CRYBG2: variants seen among roughly 807,000 people sequenced by gnomAD.
CRYBG2 encodes crystallin beta-gamma domain containing 2, also known as beta/gamma crystallin domain-containing protein 2.
CRYBG2 carries 106 observed loss-of-function variants against 153.4 expected under a neutral mutation model. The observed-to-expected ratio is 0.69, with a 90% CI of 0.59 to 0.81. CRYBG2 has a LOEUF of 0.81. Among genes scored for constraint, CRYBG2 ranks in the 30% least tolerant of loss-of-function variants. The pLI is 0.00. For missense variants in CRYBG2, 1,996 were observed against 2,112.0 expected, an observed-to-expected ratio of 0.95 and a Z score of 1.08; for synonymous variants, 851 against 877.8, an observed-to-expected ratio of 0.97 and a Z score of 0.54.
At position 26,344,643 on chromosome 1, in the gene CRYBG2, G is replaced by A. The variant is rs746968843; in HGVS notation, c.2015C>T (p.Ala672Val). 4.8e-5 allele frequency: 73 copies of A among 1,535,618 alleles called. No individual in the cohort carries two copies. In the African/African-American group the frequency reaches 6.6e-4, roughly 14 times the overall value. Residue 672 changes from alanine (A) to valine (V), a missense_variant, in exon 2 of 20, where the codon GCC (alanine) becomes GTC (valine). Physicochemically the swap from Ala to Val is moderately conservative, Grantham distance 64. Coordinates refer to ENST00000308182, the MANE Select transcript of CRYBG2 (RefSeq NM_001039775.4). ...CTTATCCTGTTTGGGGAGTGAGGTG[G>A]CAGGAGCAATTGGGCCTTGAACAGT... is the stretch of plus-strand genomic sequence containing the variant. ...EETVQGPIAPATSLPKQDKGV... is the reference protein window; with the variant it reads ...EETVQGPIAPVTSLPKQDKGV...
chr1:26,324,336 C>T, intron 17 of CRYBG2, 26 bp from the exon 18 acceptor site: 1 of 1,585,076 alleles, frequency 6.3e-7, no homozygotes, highest in South Asian at 1.1e-5. Context: ...GGCTGAGAGT[C>T]AGGGGTGCCG....
intron 1 of CRYBG2, among the ~76,000 whole-genome samples, chr1:26,348,476 A>G (rs1056312495): frequency 6.6e-6 from 1 of 152,204 alleles, no homozygotes; most frequent in Non-Finnish European, 1.5e-5. Flanking sequence ...TGGGAGGATC[A>G]CTTGAGCCCA....
chr1:26,328,290 C>G lies in CRYBG2; in HGVS notation c.4497G>C (p.Trp1499Cys). The G allele has an allele frequency of 6.4e-7, 1 of 1,570,880 alleles. No homozygotes were observed. The highest frequency in any genetic ancestry group is 1.4e-5 in the African/African-American group (1 of 73,852). Residue 1499 changes from tryptophan to cysteine, a missense_variant, in exon 17 of 20, where the codon TGG (tryptophan) becomes TGC (cysteine). Trp to Cys is a radical substitution (Grantham distance 215, BLOSUM62 -2). Transcript: ENST00000308182. ...CEHSDFRGRQ[W>C]LVGSCEITNW... ...TGGTGATCTCGCAGCTTCCCACCAGCCACTGGCGGCCCCGGAAGTCACTGT... is the reference window on the plus strand; with the variant it reads ...TGGTGATCTCGCAGCTTCCCACCAGGCACTGGCGGCCCCGGAAGTCACTGT...
At chr1:26,323,318 A>C (rs184364300) in intron 18 of CRYBG2, among the ~76,000 whole-genome samples, 15 of 152,192 alleles carry the variant, frequency 9.9e-5, no homozygotes, top group South Asian at 6.2e-4. Flanking sequence ...TGAGCTCAAG[A>C]GATCCTCCTG....
intron 1 of CRYBG2, among the ~76,000 whole-genome samples, chr1:26,352,305 A>T (rs952046051): frequency 6.6e-6 from 1 of 151,854 alleles, no homozygotes; most frequent in Non-Finnish European, 1.5e-5. Flanking sequence ...ACAAATATAC[A>T]CTCACCCAAG....
chr1:26,337,116 G>A (rs889411787), intron 10 of CRYBG2, 136 bp from the exon 11 acceptor site: 4 of 1,549,746 alleles, frequency 2.6e-6, no homozygotes, highest in African/African-American at 2.7e-5. Context: ...AGCAGCAGGG[G>A]AAGAGAGGCT....
At chr1:26,338,533 A>G in intron 6 of CRYBG2, 56 bp from the exon 7 acceptor site, 1 of 1,508,830 alleles carries the variant, frequency 6.6e-7, no homozygotes, top group Non-Finnish European at 8.9e-7. Context: ...AGGGACACAG[A>G]TTGGTGGGCG....
At chr1:26,335,556 G>T (rs1267262285) in intron 14 of CRYBG2, among the ~76,000 whole-genome samples, 1 of 152,202 alleles carries the variant, frequency 6.6e-6, no homozygotes, top group Non-Finnish European at 1.5e-5. Context: ...CCAGCACTTT[G>T]GAAGGCCGAG....
At chr1:26,330,015 G>A (rs564390206) in intron 15 of CRYBG2, among the ~76,000 whole-genome samples, 112 of 152,260 alleles carry the variant, frequency 7.4e-4, no homozygotes, top group Non-Finnish European at 1.2e-3. Flanking sequence ...AACTACAGGC[G>A]TGAGCCAACA....
intron 17 of CRYBG2, 88 bp downstream of exon 17, chr1:26,328,121 G>C (rs943232962): frequency 1.1e-5 from 17 of 1,478,286 alleles, no homozygotes; most frequent in African/African-American, 2.8e-5. Context: ...TGCTGTGTTT[G>C]GGAAACACAC....
intron 4 of CRYBG2, 45 bp from the exon 5 acceptor site, chr1:26,342,928 T>C: frequency 6.2e-7 from 1 of 1,609,008 alleles, no homozygotes; most frequent in African/African-American, 1.3e-5. Context: ...GAGGAGGATG[T>C]GCCCAGGGCT....
At chr1:26,339,211 G>T in intron 6 of CRYBG2, 79 bp downstream of exon 6, 1 of 1,529,974 alleles carries the variant, frequency 6.5e-7, no homozygotes, top group Non-Finnish European at 8.8e-7. Context: ...GGCAGGAACT[G>T]TGTTCTGTCA....
In CRYBG2 at chr1:26,324,194, A is replaced by G. The variant is rs1430478119; in HGVS notation, c.4695T>C (p.Gly1565=). The change falls in exon 18 of 20, where the codon GGT becomes GGC. Residue 1565 remains glycine (G), a synonymous_variant. Transcript: ENST00000308182. The part of the protein sequence containing the change: ...RVVVADPQAG[G]SCIWYYEDGL... ...CATCCTCGTAGTACCAGATGCAGCT[A>G]CCTCCAGCTTGGGGGTCGGCGACCA... The G allele has an allele frequency of 1.9e-6, 3 of 1,613,400 alleles. No homozygotes were observed. Among genetic ancestry groups the G allele is most frequent in the East Asian group, 4.5e-5 (2 of 44,852 alleles).
At position 26,336,149 on chromosome 1, in the gene CRYBG2, T is replaced by A. The variant is rs749710567; in HGVS notation, c.4130A>T (p.Gln1377Leu). Residue 1377 changes from glutamine (Q) to leucine (L), a missense_variant, in exon 14 of 20, where the codon CAG (glutamine) becomes CTG (leucine). Coordinates refer to ENST00000308182, the MANE Select transcript of CRYBG2 (RefSeq NM_001039775.4). This position sits in a 1 kb window ranked among gnomAD's most constrained non-coding sequence, Gnocchi z 4.9. ...TCGGAAGGAGGCGGGCAGAGCGGCC[T>A]GGTCATCTTCGAAAGAGAAGTGGTC... is the stretch of plus-strand genomic sequence containing the variant. The part of the protein sequence containing the change: ...LGDHFSFEDD[Q>L]AALPASFRPQ... The A allele has an allele frequency of 1.3e-6, 2 of 1,540,942 alleles. No individual in the cohort carries two copies. The highest frequency in any genetic ancestry group is 1.8e-6 in the Non-Finnish European group (2 of 1,139,276).
chr1:26,324,593 C>A (rs1173531598), intron 17 of CRYBG2, among the ~76,000 whole-genome samples: 1 of 152,054 alleles, frequency 6.6e-6, no homozygotes, highest in Non-Finnish European at 1.5e-5. Flanking sequence ...CTGACAGATA[C>A]ACCTCTGGTA....
rs780067749 is a variant in CRYBG2 at position 26,343,270 on chromosome 1, G to C, written c.2937C>G (p.Gly979=). 1.9e-5 allele frequency: 29 copies of C among 1,549,692 alleles called. No homozygotes were observed. In the South Asian group the frequency reaches 3.1e-4, roughly 17 times the overall value. The change falls in exon 3 of 20, where the codon GGC becomes GGG. Residue 979 remains glycine (G), a synonymous_variant. Coordinates refer to ENST00000308182, the MANE Select transcript of CRYBG2 (RefSeq NM_001039775.4). The surrounding 1 kb of genome is among the most constrained non-coding windows in gnomAD (Gnocchi z 4.1). ...CCTTTCCAGGCCTGGTGTTCAGCTTGCCCTGGGTCTTTAAGGCTGGGCTCT... is the reference window on the plus strand; with the variant it reads ...CCTTTCCAGGCCTGGTGTTCAGCTTCCCCTGGGTCTTTAAGGCTGGGCTCT... ...EGWSPALKTQ[G]KLNTRPGKVI... is the part of the protein sequence containing the mutation.
At chr1:26,339,845 C>CTACAAAGGT (rs1236126897) in intron 5 of CRYBG2, among the ~76,000 whole-genome samples, 1 of 152,180 alleles carries the variant, frequency 6.6e-6, no homozygotes, top group African/African-American at 2.4e-5. Flanking sequence ...CTGAGAAAAC[C>CTACAAAGGT]TTTGTAGCCA....
intron 1 of CRYBG2, among the ~76,000 whole-genome samples, chr1:26,349,152 G>C (rs2074259050): frequency 6.6e-6 from 1 of 151,938 alleles, no homozygotes; most frequent in East Asian, 2.0e-4. Context: ...CTGGGCAACA[G>C]AGCGAGACTC....
At position 26,325,455 on chromosome 1, in the gene CRYBG2, G is replaced by A. The variant is rs2073911947; in HGVS notation, c.4579-1145C>T. Among the ~76,000 whole-genome samples the A allele has an allele frequency of 6.6e-6, 1 of 152,134 alleles. No individual in the cohort carries two copies. On this transcript the variant is annotated intron_variant, in intron 17 of 19. Coordinates refer to ENST00000308182, the MANE Select transcript of CRYBG2 (RefSeq NM_001039775.4). This position sits in a 1 kb window ranked among gnomAD's most constrained non-coding sequence, Gnocchi z 4.1. ...CACGCCTGTAATCACAGCTACTCGG[G>A]AGGCTGAGGCAGGAGAATCGCTTGA...
Sources: gnomAD v4.1 joint callset for allele counts (sites outside exome capture counted in the v4.1 genomes callset) on GRCh38, gnomAD v4.1.1 for gene constraint, Gnocchi (gnomAD v3.1) non-coding constraint, MANE v1.5 for transcripts, NCBI Gene and HGNC (gene_info 2026-07-23, HGNC 2026-07-21) for gene names.